SYNPR: variants seen among roughly 807,000 people sequenced by gnomAD.
SYNPR encodes the protein synaptoporin.
A neutral mutation model predicts 32.9 loss-of-function variants in SYNPR; 23 were observed. That is an observed-to-expected ratio of 0.70 (90% CI 0.50 to 0.99). SYNPR has a LOEUF of 0.99. Ranked by LOEUF, SYNPR falls within the 50% of genes least tolerant of loss-of-function variation. SYNPR has a pLI of 0.00. For missense variants in SYNPR, 318 were observed against 349.3 expected, an observed-to-expected ratio of 0.91 and a Z score of 0.71; for synonymous variants, 146 against 135.9, an observed-to-expected ratio of 1.07 and a Z score of -0.52.
At chr3:63,493,432 A>T (rs565791715) in intron 3 of SYNPR, among the ~76,000 whole-genome samples, 1 of 152,160 alleles carries the variant, frequency 6.6e-6, no homozygotes, top group East Asian at 1.9e-4. Flanking sequence ...GAATTCAGAG[A>T]CCCTGGATGT....
chr3:63,431,947 G>A (rs1212566603), intron 2 of SYNPR, among the ~76,000 whole-genome samples: 6 of 151,752 alleles, frequency 4.0e-5, no homozygotes, highest in African/African-American at 1.5e-4. Flanking sequence ...TCACCACACA[G>A]GCCTTCAGCA....
At chr3:63,223,634 A>C (rs1304976707), upstream of SYNPR, among the ~76,000 whole-genome samples, 1 of 152,170 alleles carries the variant, frequency 6.6e-6, no homozygotes, top group African/African-American at 2.4e-5. Flanking sequence ...AACATAAATC[A>C]TTTAGAGCTG....
intron 2 of SYNPR, among the ~76,000 whole-genome samples, chr3:63,324,215 T>G (rs1216584460): frequency 6.6e-6 from 1 of 152,136 alleles, no homozygotes; most frequent in South Asian, 2.1e-4. Context: ...CATTTTAAGA[T>G]GAGTGAACTG....
intron 3 of SYNPR, among the ~76,000 whole-genome samples, chr3:63,532,729 G>A (rs1006489855): frequency 6.6e-5 from 10 of 152,180 alleles, no homozygotes; most frequent in African/African-American, 1.2e-4. Context: ...TCCATAAGAC[G>A]CAAACAATAG....
chr3:63,459,483 A>G (rs1236549550), intron 2 of SYNPR, among the ~76,000 whole-genome samples: 1 of 152,130 alleles, frequency 6.6e-6, no homozygotes, highest in Admixed American at 6.6e-5. Context: ...ATCCTAAATT[A>G]TCCCAATATT....
At chr3:63,328,044 G>A (rs1456631221) in intron 2 of SYNPR, among the ~76,000 whole-genome samples, 2 of 152,122 alleles carry the variant, frequency 1.3e-5, no homozygotes, top group African/African-American at 2.4e-5. Context: ...TTTAAATGAG[G>A]AATGCCACAT....
intron 2 of SYNPR, among the ~76,000 whole-genome samples, chr3:63,368,363 C>A (rs543794487): frequency 6.6e-6 from 1 of 152,028 alleles, no homozygotes; most frequent in African/African-American, 2.4e-5. Context: ...CAAGAAAGGG[C>A]GCTAGTTTGA....
At chr3:63,511,598 A>G (rs895506123) in intron 3 of SYNPR, among the ~76,000 whole-genome samples, 1 of 152,168 alleles carries the variant, frequency 6.6e-6, no homozygotes, top group Non-Finnish European at 1.5e-5. Context: ...GGACCGGAAG[A>G]TATCAGGCCT....
chr3:63,322,856 T>C (rs533981095), intron 2 of SYNPR, among the ~76,000 whole-genome samples: 13 of 152,180 alleles, frequency 8.5e-5, no homozygotes, highest in African/African-American at 3.1e-4. Context: ...TAAAATTTTA[T>C]GGAAGAGACT....
chr3:63,240,565 G>C (rs561391939), intron 1 of SYNPR, among the ~76,000 whole-genome samples: 2 of 152,148 alleles, frequency 1.3e-5, no homozygotes, highest in East Asian at 1.9e-4. Flanking sequence ...GGAGGTGGGG[G>C]AGTAAGCGAG....
At chr3:63,224,667 C>T (rs1215280631), upstream of SYNPR, among the ~76,000 whole-genome samples, 14 of 152,176 alleles carry the variant, frequency 9.2e-5, no homozygotes, top group Admixed American at 7.2e-4. Context: ...CAAGACTATG[C>T]GGTTCCTTGA....
chr3:63,460,847 G>C (rs928451896), intron 2 of SYNPR, among the ~76,000 whole-genome samples: 4 of 152,028 alleles, frequency 2.6e-5, no homozygotes, highest in African/African-American at 9.7e-5. Context: ...ATGTTTGGGG[G>C]CAAGGCTGGA....
chr3:63,245,848 C>G (rs2086283778), intron 1 of SYNPR, among the ~76,000 whole-genome samples: 1 of 151,666 alleles, frequency 6.6e-6, no homozygotes, highest in African/African-American at 2.4e-5. Context: ...AATCTTTTCC[C>G]ATTTTCTAAC....
intron 1 of SYNPR, among the ~76,000 whole-genome samples, chr3:63,239,372 T>TCA (rs2086221688): frequency 6.6e-6 from 1 of 151,234 alleles, no homozygotes; most frequent in Non-Finnish European, 1.5e-5. Context: ...CATCCTATCA[T>TCA]TGTCAAGTGT....
the SYNPR span, among the ~76,000 whole-genome samples, chr3:63,221,508 G>T: frequency 6.6e-6 from 1 of 152,128 alleles, no homozygotes; most frequent in African/African-American, 2.4e-5. Flanking sequence ...AACAAGCAGG[G>T]AGTTGGAGTA....
chr3:63,539,637 T>C (rs778717553), intron 3 of SYNPR, among the ~76,000 whole-genome samples: 4 of 152,058 alleles, frequency 2.6e-5, no homozygotes, highest in Non-Finnish European at 4.4e-5. Context: ...TTAATTTGGG[T>C]TTCCCTAAGG....
intron 2 of SYNPR, among the ~76,000 whole-genome samples, chr3:63,467,924 G>T (rs1700715031): frequency 6.6e-6 from 1 of 152,102 alleles, no homozygotes; most frequent in Non-Finnish European, 1.5e-5. Flanking sequence ...ATCAGGCTGG[G>T]CACGGTGGCT....
At chr3:63,427,140 T>C (rs1461149356) in intron 2 of SYNPR, among the ~76,000 whole-genome samples, 1 of 127,880 alleles carries the variant, frequency 7.8e-6, no homozygotes, top group African/African-American at 2.9e-5. Context: ...GCATGTTCTT[T>C]ATCTTTAAAA....
intron 1 of SYNPR, among the ~76,000 whole-genome samples, chr3:63,251,967 T>C (rs56741022): frequency 0.035 from 5,354 of 152,004 alleles, 294 homozygotes; most frequent in African/African-American, 0.12. Flanking sequence ...ATGTCTTCCA[T>C]ACTTGAGTTA....
Sources: gnomAD v4.1 joint callset for allele counts (sites outside exome capture counted in the v4.1 genomes callset) on GRCh38, gnomAD v4.1.1 for gene constraint, MANE v1.5 for transcripts, NCBI Gene and HGNC (gene_info 2026-07-23, HGNC 2026-07-21) for gene names.